The following ANO10 variants were observed in gnomAD, a reference collection of about 807,000 sequenced individuals.
ANO10 encodes the protein anoctamin-10.
Under a neutral mutation model 74.7 loss-of-function variants are expected in ANO10, and 77 were observed. The ratio of observed to expected loss-of-function variants is 1.03; its 90% CI spans 0.86 to 1.25. The LOEUF is 1.25. Among genes scored for constraint, ANO10 ranks in the 50% most tolerant of loss-of-function variants. The pLI is 0.00. For missense variants in ANO10, 721 were observed against 778.1 expected, an observed-to-expected ratio of 0.93 and a Z score of 0.87; for synonymous variants, 279 against 284.9, an observed-to-expected ratio of 0.98 and a Z score of 0.21.
intron 12 of ANO10, among the ~76,000 whole-genome samples, chr3:43,415,353 G>C (rs2092722650): frequency 6.6e-6 from 1 of 151,968 alleles, no homozygotes; most frequent in Non-Finnish European, 1.5e-5. Flanking sequence ...AATGGTGAAA[G>C]CTGGTTTTTA....
intron 4 of ANO10, among the ~76,000 whole-genome samples, chr3:43,582,054 C>G (rs2081285876): frequency 6.6e-6 from 1 of 152,106 alleles, no homozygotes; most frequent in South Asian, 2.1e-4. Flanking sequence ...AGCTACCTCT[C>G]TTATCTCTTA....
chr3:43,644,109 T>A (rs542183431), intron 1 of ANO10, among the ~76,000 whole-genome samples: 7 of 152,236 alleles, frequency 4.6e-5, no homozygotes, highest in Non-Finnish European at 8.8e-5. Flanking sequence ...TGTTTGTTTG[T>A]TTTTGCTGAA....
intron 7 of ANO10, among the ~76,000 whole-genome samples, chr3:43,573,775 T>C (rs2080858844): frequency 6.6e-6 from 1 of 152,216 alleles, no homozygotes; most frequent in Non-Finnish European, 1.5e-5. Context: ...TGTCAAAACA[T>C]GCTGGGAACC....
intron 1 of ANO10, among the ~76,000 whole-genome samples, chr3:43,612,158 A>T (rs1220135031): frequency 8.3e-6 from 1 of 120,776 alleles, no homozygotes; most frequent in African/African-American, 3.2e-5. Flanking sequence ...ATATATATAT[A>T]TATATATATA....
intron 11 of ANO10, among the ~76,000 whole-genome samples, chr3:43,537,774 T>A (rs2078780258): frequency 6.6e-6 from 1 of 152,188 alleles, no homozygotes; most frequent in Non-Finnish European, 1.5e-5. Context: ...TAACATAACA[T>A]AATGGGACTG....
intron 11 of ANO10, among the ~76,000 whole-genome samples, chr3:43,507,856 T>G (rs2077354426): frequency 6.6e-6 from 1 of 152,166 alleles, no homozygotes; most frequent in Non-Finnish European, 1.5e-5. Flanking sequence ...ATAGTTAGCA[T>G]GTAACTGTTG....
intron 10 of ANO10, among the ~76,000 whole-genome samples, chr3:43,553,882 C>A (rs1338403980): frequency 6.6e-6 from 1 of 152,126 alleles, no homozygotes; most frequent in Non-Finnish European, 1.5e-5. Flanking sequence ...TTTCCTCTAT[C>A]CCTTCCATTC....
intron 4 of ANO10, among the ~76,000 whole-genome samples, chr3:43,596,627 G>A (rs1316377977): frequency 6.6e-6 from 1 of 152,140 alleles, no homozygotes. Flanking sequence ...ATGGATTAAA[G>A]ACTTAATGTC....
chr3:43,513,331 T>C (rs1343684295), intron 11 of ANO10, among the ~76,000 whole-genome samples: 1 of 152,186 alleles, frequency 6.6e-6, no homozygotes, highest in African/African-American at 2.4e-5. Flanking sequence ...AACTATTGTA[T>C]GGTTCTTATA....
intron 11 of ANO10, among the ~76,000 whole-genome samples, chr3:43,459,857 T>TA (rs1193141949): frequency 6.6e-6 from 1 of 152,130 alleles, no homozygotes; most frequent in Admixed American, 6.5e-5. Context: ...ATCTCTATTT[T>TA]AAAAAACAGG....
intron 11 of ANO10, among the ~76,000 whole-genome samples, chr3:43,448,654 A>T (rs946738127): frequency 2.0e-5 from 3 of 152,216 alleles, no homozygotes; most frequent in Admixed American, 1.3e-4. Context: ...TGCTATAAAC[A>T]TCCATCTGCA....
intron 1 of ANO10, among the ~76,000 whole-genome samples, chr3:43,612,852 T>C (rs2082896366): frequency 6.6e-6 from 1 of 152,176 alleles, no homozygotes; most frequent in Non-Finnish European, 1.5e-5. Flanking sequence ...AAAAAAGGCC[T>C]TCTAAGTGAA....
chr3:43,596,945 T>C (rs1172903200), intron 4 of ANO10, among the ~76,000 whole-genome samples: 1 of 152,100 alleles, frequency 6.6e-6, no homozygotes, highest in African/African-American at 2.4e-5. Flanking sequence ...CATCGAAAAG[T>C]GGGCAAAGGA....
intron 12 of ANO10, among the ~76,000 whole-genome samples, chr3:43,395,881 G>A (rs1457244094): frequency 3.3e-5 from 5 of 152,134 alleles, no homozygotes; most frequent in Non-Finnish European, 7.3e-5. Flanking sequence ...AGGCTTTTGG[G>A]CCATATAGTC....
intron 8 of ANO10, among the ~76,000 whole-genome samples, chr3:43,564,408 T>TAA (rs112467503): frequency 6.7e-6 from 1 of 148,900 alleles, no homozygotes; most frequent in African/African-American, 2.5e-5. Flanking sequence ...TATGTATTAT[T>TAA]AAAAAAAAAA....
intron 11 of ANO10, among the ~76,000 whole-genome samples, chr3:43,506,599 C>CA (rs2077302653): frequency 6.6e-6 from 1 of 152,304 alleles, no homozygotes; most frequent in South Asian, 2.1e-4. Context: ...TTTATGGACT[C>CA]AAACTCCCAT....
intron 8 of ANO10, among the ~76,000 whole-genome samples, chr3:43,564,475 T>G (rs1439074146): frequency 6.6e-6 from 1 of 152,198 alleles, no homozygotes; most frequent in East Asian, 1.9e-4. Context: ...TGCTACTTCT[T>G]GGGATATTTC....
chr3:43,566,128 G>A (rs537177515), intron 7 of ANO10, among the ~76,000 whole-genome samples: 32 of 152,242 alleles, frequency 2.1e-4, no homozygotes, highest in East Asian at 9.7e-4. Context: ...CTTTTCCGAC[G>A]GGCTTAAAAA....
rs575086013 is a variant in ANO10, at chr3:43,681,962, C to T, written c.-12+9555G>A. Among the ~76,000 whole-genome samples, 26 of 152,082 alleles carry T rather than the reference C, an allele frequency of 1.7e-4. No homozygotes were observed. In the East Asian group the frequency reaches 4.6e-3, roughly 27 times the overall value. On this transcript the variant is annotated intron_variant, in intron 1 of 3. Transcript: ENST00000413397. Reference sequence around the variant, plus strand: ...GAGGGAAATTTATAGCACTAAATGCCCACAAGAGAAAGCAGGAAAGATCTA... The same window carrying T: ...GAGGGAAATTTATAGCACTAAATGCTCACAAGAGAAAGCAGGAAAGATCTA...
Sources: gnomAD v4.1 joint callset for allele counts (sites outside exome capture counted in the v4.1 genomes callset) on GRCh38, gnomAD v4.1.1 for gene constraint, MANE v1.5 for transcripts, NCBI Gene and HGNC (gene_info 2026-07-23, HGNC 2026-07-21) for gene names.